Variants in NLGN1 observed in about 807,000 individuals in gnomAD.
NLGN1 encodes neuroligin-1.
Under a neutral mutation model 65.5 loss-of-function variants are expected in NLGN1, and 12 were observed. The ratio of observed to expected loss-of-function variants is 0.18; its 90% CI spans 0.12 to 0.30. The LOEUF is 0.30. NLGN1 is among the 10% of genes least tolerant of loss of function. The pLI is 1.00. For synonymous variants in NLGN1, 350 were observed against 359.5 expected (o/e 0.97, Z 0.30); for missense variants, 750 against 1,007.1 (o/e 0.74, Z 3.46).
chr3:173,547,840 A>G (rs1042780232), intron 2 of NLGN1, among the ~76,000 whole-genome samples: 3 of 152,076 alleles, frequency 2.0e-5, no homozygotes, highest in Non-Finnish European at 4.4e-5. Flanking sequence ...AGCAGGAAGG[A>G]GTACAATTTC....
chr3:173,559,433 A>G (rs1021948699), intron 2 of NLGN1, among the ~76,000 whole-genome samples: 4 of 152,182 alleles, frequency 2.6e-5, no homozygotes, highest in Non-Finnish European at 4.4e-5. Context: ...CCCAATGAAT[A>G]CAAGATGCTA....
intron 4 of NLGN1, among the ~76,000 whole-genome samples, chr3:173,883,264 G>A (rs1316329875): frequency 1.3e-5 from 2 of 152,176 alleles, no homozygotes; most frequent in African/African-American, 4.8e-5. Context: ...TGTGTCTAAG[G>A]GAATAGGAAA....
intron 3 of NLGN1, among the ~76,000 whole-genome samples, chr3:173,625,575 G>A (rs1214450559): frequency 6.6e-6 from 1 of 152,050 alleles, no homozygotes; most frequent in East Asian, 1.9e-4. Flanking sequence ...GGCTTTCAAT[G>A]TTTGTAATGT....
chr3:173,461,894 C>T (rs1172190047), intron 2 of NLGN1, among the ~76,000 whole-genome samples: 2 of 152,004 alleles, frequency 1.3e-5, no homozygotes, highest in Admixed American at 6.6e-5. Context: ...CAAATCTTCA[C>T]CTGTAAATTT....
chr3:173,426,511 A>G (rs1038405460), intron 1 of NLGN1, among the ~76,000 whole-genome samples: 6 of 151,886 alleles, frequency 4.0e-5, no homozygotes, highest in East Asian at 1.9e-4. Context: ...GTTTTTTTCT[A>G]TATTTGTTGA....
chr3:173,566,671 T>A (rs1460986646), intron 2 of NLGN1, among the ~76,000 whole-genome samples: 1 of 152,138 alleles, frequency 6.6e-6, no homozygotes, highest in Non-Finnish European at 1.5e-5. Flanking sequence ...TCCTTAACTA[T>A]CTGCTATTAA....
chr3:173,700,809 C>T (rs1003635939), intron 3 of NLGN1, among the ~76,000 whole-genome samples: 2 of 152,102 alleles, frequency 1.3e-5, no homozygotes, highest in Non-Finnish European at 2.9e-5. Context: ...GCTAATAGGA[C>T]TCTTAAGCTC....
intron 4 of NLGN1, among the ~76,000 whole-genome samples, chr3:173,868,910 AAG>A (rs1220524276): frequency 6.6e-6 from 1 of 152,134 alleles, no homozygotes; most frequent in Non-Finnish European, 1.5e-5. Flanking sequence ...GACAGACAGA[AAG>A]AGAGAACAAA....
chr3:173,585,106 C>G (rs1198752709), intron 2 of NLGN1: 1 of 152,166 alleles, frequency 6.6e-6, no homozygotes, highest in African/African-American at 2.4e-5. Flanking sequence ...GTGATGCGGA[C>G]GCGGTGCCTG....
At chr3:173,493,771 A>G (rs1481148554) in intron 2 of NLGN1, among the ~76,000 whole-genome samples, 3 of 151,884 alleles carry the variant, frequency 2.0e-5, no homozygotes, top group African/African-American at 7.3e-5. Flanking sequence ...GTCAACAACT[A>G]TTCTATGAAA....
chr3:173,791,971 A>G (rs912734595), intron 3 of NLGN1, among the ~76,000 whole-genome samples: 2 of 152,136 alleles, frequency 1.3e-5, no homozygotes, highest in East Asian at 1.9e-4. Context: ...TTTCTGTAGT[A>G]TGTAGTATAT....
At chr3:174,107,513 C>T (rs925264928) in intron 4 of NLGN1, among the ~76,000 whole-genome samples, 1 of 151,930 alleles carries the variant, frequency 6.6e-6, no homozygotes, top group African/African-American at 2.4e-5. Context: ...AATGATGTAC[C>T]ATAGTTTGTT....
chr3:174,190,120 T>C (rs1412304953), intron 4 of NLGN1, among the ~76,000 whole-genome samples: 2 of 152,152 alleles, frequency 1.3e-5, no homozygotes, highest in Admixed American at 1.3e-4. Flanking sequence ...AAGTGAGTTA[T>C]TATATGACTT....
At chr3:173,560,723 A>G (rs1409728941) in intron 2 of NLGN1, among the ~76,000 whole-genome samples, 2 of 152,330 alleles carry the variant, frequency 1.3e-5, no homozygotes, top group Non-Finnish European at 2.9e-5. Context: ...AGAAATAAAT[A>G]AATGACTCAA....
intron 4 of NLGN1, among the ~76,000 whole-genome samples, chr3:174,117,493 C>T (rs1005848763): frequency 1.3e-5 from 2 of 151,344 alleles, no homozygotes; most frequent in African/African-American, 4.9e-5. Flanking sequence ...CAGTGGCGGG[C>T]GCCTGTAGTC....
chr3:173,511,034 A>G (rs1435157582), intron 2 of NLGN1, among the ~76,000 whole-genome samples: 2 of 152,198 alleles, frequency 1.3e-5, no homozygotes, highest in Middle Eastern at 3.2e-3. Context: ...TTTAAATTTC[A>G]GTGCAGCTAA....
intron 2 of NLGN1, among the ~76,000 whole-genome samples, chr3:173,594,347 A>G (rs1302132331): frequency 1.3e-5 from 2 of 152,214 alleles, no homozygotes; most frequent in Admixed American, 1.3e-4. Context: ...GGCCCCATGC[A>G]AGTCCAAAAT....
At chr3:173,760,233 G>T (rs933913462) in intron 3 of NLGN1, among the ~76,000 whole-genome samples, 1 of 151,904 alleles carries the variant, frequency 6.6e-6, no homozygotes, top group South Asian at 2.1e-4. Flanking sequence ...TTATCTATAT[G>T]CCTACTGAAT....
At chr3:174,144,946 C>CT (rs1252777033) in intron 4 of NLGN1, among the ~76,000 whole-genome samples, 1 of 151,984 alleles carries the variant, frequency 6.6e-6, no homozygotes, top group African/African-American at 2.4e-5. Context: ...GTTGCTATTG[C>CT]TTTTGGTGTT....
Sources: gnomAD v4.1 joint callset for allele counts (sites outside exome capture counted in the v4.1 genomes callset) on GRCh38, gnomAD v4.1.1 for gene constraint, MANE v1.5 for transcripts, NCBI Gene and HGNC (gene_info 2026-07-23, HGNC 2026-07-21) for gene names.